Variants in CPPED1 observed in about 807,000 individuals in gnomAD.
CPPED1 encodes calcineurin like phosphoesterase domain containing 1.
CPPED1 carries 28 observed loss-of-function variants against 28.0 expected under a neutral mutation model. The ratio of observed to expected loss-of-function variants is 1.00; its 90% CI spans 0.74 to 1.37. The LOEUF is 1.37. Ranked by LOEUF, CPPED1 falls within the 40% of genes most tolerant of loss-of-function variation. CPPED1 has a pLI of 0.00. For synonymous variants in CPPED1, 198 were observed against 180.2 expected, an observed-to-expected ratio of 1.10 and a Z score of -0.79; for missense variants, 504 against 416.5, an observed-to-expected ratio of 1.21 and a Z score of -1.83.
chr16:12,787,487 C>A (rs1279260477), intron 1 of CPPED1, among the ~76,000 whole-genome samples: 1 of 150,076 alleles, frequency 6.7e-6, no homozygotes, highest in African/African-American at 2.5e-5. Flanking sequence ...CTCACTGCAA[C>A]CTCTGCGTCT....
chr16:12,750,286 TCA>T lies in CPPED1; in HGVS notation c.289+30897_289+30898del, dbSNP rs150016052. ...CAAGAAGCCTAGCTTTCAGCCTCTC[TCA>T]GTTTCTGACATACCTTTCTCACTAA... On this transcript the variant is annotated intron_variant, in intron 2 of 3. Coordinates refer to ENST00000381774, the MANE Select transcript of CPPED1 (RefSeq NM_018340.3). Among the ~76,000 whole-genome samples, 539 of 152,358 alleles carry T rather than the reference TCA, an allele frequency of 3.5e-3. 16 individuals are homozygous for T. The East Asian group carries it at 0.084, about 24-fold the overall frequency.
intron 2 of CPPED1, among the ~76,000 whole-genome samples, chr16:12,765,219 A>C (rs1469801729): frequency 6.6e-6 from 1 of 152,232 alleles, no homozygotes; most frequent in Non-Finnish European, 1.5e-5. Context: ...CATTGATCTA[A>C]AACTTTGCAG....
intron 3 of CPPED1, among the ~76,000 whole-genome samples, chr16:12,699,644 G>A (rs1381332841): frequency 6.6e-6 from 1 of 152,060 alleles, no homozygotes; most frequent in African/African-American, 2.4e-5. Flanking sequence ...GGAGAGATGT[G>A]CTCTTTAAAA....
chr16:12,792,539 T>C (rs1176379153), intron 1 of CPPED1, among the ~76,000 whole-genome samples: 3 of 152,258 alleles, frequency 2.0e-5, no homozygotes, highest in East Asian at 1.9e-4. Context: ...GATAGACCAC[T>C]ATCTGCTTCT....
At chr16:12,683,726 T>C (rs960543753) in intron 3 of CPPED1, among the ~76,000 whole-genome samples, 1 of 152,162 alleles carries the variant, frequency 6.6e-6, no homozygotes, top group Admixed American at 6.5e-5. Flanking sequence ...CTCTCCATCC[T>C]CAGTGTGATC....
intron 2 of CPPED1, among the ~76,000 whole-genome samples, chr16:12,755,971 A>T (rs2080364207): frequency 6.6e-6 from 1 of 152,114 alleles, no homozygotes; most frequent in Non-Finnish European, 1.5e-5. Context: ...CTCCAATAAA[A>T]ACACAAAAAA....
At chr16:12,708,102 G>A (rs942597764) in intron 2 of CPPED1, among the ~76,000 whole-genome samples, 5 of 152,112 alleles carry the variant, frequency 3.3e-5, no homozygotes, top group African/African-American at 9.7e-5. Flanking sequence ...AGCTGAGACC[G>A]TGCCACTGCA....
chr16:12,803,566 A>T (rs11865967), intron 1 of CPPED1, 141 bp downstream of exon 1: 1 of 667,234 alleles, frequency 1.5e-6, no homozygotes, highest in Non-Finnish European at 2.3e-6. Context: ...GCAGGCTTTG[A>T]TGCAGCTATG....
chr16:12,703,727 G>A (rs1437462537), intron 3 of CPPED1, among the ~76,000 whole-genome samples: 1 of 108,980 alleles, frequency 9.2e-6, no homozygotes, highest in Non-Finnish European at 2.2e-5. Flanking sequence ...AAGGAAGAAC[G>A]AGGACAAAGA....
chr16:12,790,871 G>A (rs1166692656), intron 1 of CPPED1, among the ~76,000 whole-genome samples: 1 of 131,680 alleles, frequency 7.6e-6, no homozygotes, highest in Non-Finnish European at 1.5e-5. Context: ...GGAGGCTGCA[G>A]ATCACACCAC....
intron 3 of CPPED1, among the ~76,000 whole-genome samples, chr16:12,679,697 C>CT (rs2079895449): frequency 6.6e-6 from 1 of 152,116 alleles, no homozygotes; most frequent in Non-Finnish European, 1.5e-5. Context: ...CACTAACATC[C>CT]TGAAAACTGT....
chr16:12,750,069 G>A (rs1022837977), intron 2 of CPPED1, among the ~76,000 whole-genome samples: 3 of 152,096 alleles, frequency 2.0e-5, no homozygotes, highest in Admixed American at 1.3e-4. Flanking sequence ...CTTAAACCTC[G>A]TGAACCTTAG....
chr16:12,764,881 C>G (rs1224065649), intron 2 of CPPED1, among the ~76,000 whole-genome samples: 1 of 152,172 alleles, frequency 6.6e-6, no homozygotes, highest in African/African-American at 2.4e-5. Context: ...ATAGGCAGAT[C>G]CCCTCGGTTC....
chr16:12,673,486 C>T (rs2079862782), intron 3 of CPPED1, among the ~76,000 whole-genome samples: 1 of 152,160 alleles, frequency 6.6e-6, no homozygotes, highest in Admixed American at 6.5e-5. Context: ...CCATAATTAG[C>T]TGTAAAAACT....
At chr16:12,720,974 A>C (rs1033477988) in intron 2 of CPPED1, among the ~76,000 whole-genome samples, 1 of 152,224 alleles carries the variant, frequency 6.6e-6, no homozygotes, top group Non-Finnish European at 1.5e-5. Flanking sequence ...GCATGTTGCC[A>C]TAGTATTTCA....
chr16:12,803,468 G>A (rs2080673013), intron 1 of CPPED1, among the ~76,000 whole-genome samples: 1 of 152,160 alleles, frequency 6.6e-6, no homozygotes, highest in African/African-American at 2.4e-5. Context: ...CCCTTCTCTG[G>A]GGGAAGTTAG....
intron 2 of CPPED1, among the ~76,000 whole-genome samples, chr16:12,735,392 A>C (rs187440735): frequency 2.0e-5 from 3 of 152,204 alleles, no homozygotes; most frequent in African/African-American, 4.8e-5. Flanking sequence ...CCTGGGTTCA[A>C]CTGATTCTCC....
At chr16:12,792,160 C>A (rs2080600522) in intron 1 of CPPED1, among the ~76,000 whole-genome samples, 1 of 152,106 alleles carries the variant, frequency 6.6e-6, no homozygotes, top group South Asian at 2.1e-4. Flanking sequence ...ACCATGTTGG[C>A]CAGACTGGTC....
intron 1 of CPPED1, among the ~76,000 whole-genome samples, chr16:12,797,647 C>CTGT (rs2080635716): frequency 6.6e-6 from 1 of 152,074 alleles, no homozygotes; most frequent in Admixed American, 6.5e-5. Context: ...TGGGCCACAA[C>CTGT]GGAAGAACTG....
Sources: allele counts gnomAD v4.1 joint callset (sites outside exome capture counted in the v4.1 genomes callset), GRCh38; gene constraint gnomAD v4.1.1; transcripts MANE v1.5; gene names NCBI Gene and HGNC (gene_info 2026-07-23, HGNC 2026-07-21).